RASEF: variants seen among roughly 807,000 people sequenced by gnomAD.
RASEF encodes the protein ras and EF-hand domain-containing protein.
A neutral mutation model predicts 90.1 loss-of-function variants in RASEF; 68 were observed. The observed-to-expected ratio is 0.75, with a 90% CI of 0.62 to 0.92. The LOEUF (loss-of-function observed/expected upper bound fraction) is 0.92. Among genes scored for constraint, RASEF ranks in the 40% least tolerant of loss-of-function variants. The probability of loss-of-function intolerance (pLI) is 0.00; values close to 1 mark genes in which losing one functional copy is unlikely to be tolerated. For missense variants in RASEF, 949 were observed against 937.2 expected (o/e 1.01, Z -0.16); for synonymous variants, 331 against 345.2 (o/e 0.96, Z 0.46).
chr9:83,109,885 G>A, the RASEF span, among the ~76,000 whole-genome samples: 1 of 152,066 alleles, frequency 6.6e-6, no homozygotes, highest in Non-Finnish European at 1.5e-5. Context: ...ATTCATAAGA[G>A]GCTGAATCTC....
rs1829092877 is a variant in RASEF at position 83,004,480 on chromosome 9, T to G, written c.1202+18A>C. ...GTGATTCTGAACTTGAACAGAAAGT[T>G]AAGACGAGTTAACATACCTGTCATA... is the stretch of plus-strand genomic sequence containing the variant. On this transcript the variant is annotated intron_variant, in intron 9 of 16. Transcript: ENST00000376447. The G allele has an allele frequency of 6.8e-7, 1 of 1,480,446 alleles. No individual in the cohort carries two copies. Among genetic ancestry groups the G allele is most frequent in the Non-Finnish European group, 9.4e-7 (1 of 1,058,958 alleles). 91.7% of individuals were successfully genotyped at this position (1,480,446 alleles called of 1,614,324 possible). A position where few individuals can be genotyped will look rare whatever the true frequency, so the allele number is the denominator to read the frequency against.
At chr9:83,060,661 G>A (rs1390442669) in intron 1 of RASEF, among the ~76,000 whole-genome samples, 1 of 152,220 alleles carries the variant, frequency 6.6e-6, no homozygotes, top group East Asian at 1.9e-4. Context: ...GCTGTATGAG[G>A]AAGTGAAGTA....
chr9:83,108,691 C>T, the RASEF span, among the ~76,000 whole-genome samples: 2 of 152,176 alleles, frequency 1.3e-5, no homozygotes, highest in Non-Finnish European at 2.9e-5. Flanking sequence ...CAGTTTTTGT[C>T]ACTAATTACT....
the RASEF span, among the ~76,000 whole-genome samples, chr9:83,206,247 CA>C: frequency 1.0e-3 from 156 of 152,262 alleles, 4 homozygotes; most frequent in East Asian, 0.027. Context: ...TAAGATCTAG[CA>C]AAGTGTTTTA....
At chr9:83,021,008 T>C (rs1312268799) in intron 3 of RASEF, among the ~76,000 whole-genome samples, 1 of 152,178 alleles carries the variant, frequency 6.6e-6, no homozygotes, top group Non-Finnish European at 1.5e-5. Context: ...CAGCTTCTTA[T>C]TAAACTTTTT....
chr9:83,099,447 T>C, the RASEF span, among the ~76,000 whole-genome samples: 244 of 152,306 alleles, frequency 1.6e-3, 2 homozygotes, highest in African/African-American at 5.7e-3. Context: ...TAAGTTATTT[T>C]CTCATATACT....
At chr9:82,998,227 T>A in intron 13 of RASEF, 138 bp downstream of exon 13, 1 of 541,130 alleles carries the variant, frequency 1.8e-6, no homozygotes. Flanking sequence ...ATACATTTTA[T>A]AATTATACAT....
chr9:83,165,636 C>T, the RASEF span, among the ~76,000 whole-genome samples: 863 of 151,978 alleles, frequency 5.7e-3, 8 homozygotes, highest in African/African-American at 0.02. Context: ...GGAAAACACA[C>T]GAAATCATAA....
chr9:83,107,911 A>G, the RASEF span, among the ~76,000 whole-genome samples: 1 of 152,228 alleles, frequency 6.6e-6, no homozygotes, highest in African/African-American at 2.4e-5. Flanking sequence ...TGTTTTAAAA[A>G]TCTATCTGTT....
chr9:82,991,961 A>G (rs1828823908), intron 15 of RASEF, among the ~76,000 whole-genome samples: 1 of 152,260 alleles, frequency 6.6e-6, no homozygotes, highest in African/African-American at 2.4e-5. Context: ...TTGGCCCAGC[A>G]CACAATGAAG....
At chr9:83,059,667 AC>A (rs1047749757) in intron 1 of RASEF, among the ~76,000 whole-genome samples, 1 of 151,984 alleles carries the variant, frequency 6.6e-6, no homozygotes, top group Non-Finnish European at 1.5e-5. Context: ...GCCTGGTAGC[AC>A]CTGTCCTCCC....
chr9:83,144,391 G>GAAAGAAAGAAAGAAAAGAAAGAAA, the RASEF span, among the ~76,000 whole-genome samples: 1 of 33,220 alleles, frequency 3.0e-5, no homozygotes, highest in African/African-American at 1.0e-4. Context: ...AAGAAAGAAA[G>GAAAGAAAGAAAGAAAAGAAAGAAA]GAAAGAAAGA....
the RASEF span, among the ~76,000 whole-genome samples, chr9:83,210,295 C>T: frequency 6.6e-6 from 1 of 152,274 alleles, no homozygotes; most frequent in South Asian, 2.1e-4. Context: ...TCAACTAGAG[C>T]AATTCTAGTA....
In RASEF at chr9:83,000,206, G is replaced by A. The variant is rs200343613; in HGVS notation, c.1686C>T (p.Cys562=). 849 of 1,613,852 alleles carry A rather than the reference G, an allele frequency of 5.3e-4. 1 individual carries two copies. The highest frequency in any genetic ancestry group is 6.9e-4 in the Non-Finnish European group (810 of 1,179,946). ...TTATATTTTCTCGAAATTCATTCTT[G>A]CAAAGTCTCATGAGGAAACTAGACT... ...VGKSSFLMRL[C]KNEFRENISA... Residue 562 remains cysteine, a synonymous_variant, in exon 12 of 17, where the codon TGC becomes TGT. Transcript: ENST00000376447.
chr9:83,140,715 A>G, the RASEF span, among the ~76,000 whole-genome samples: 1 of 152,232 alleles, frequency 6.6e-6, no homozygotes, highest in African/African-American at 2.4e-5. Context: ...AAAGATGCAG[A>G]GAAAAATTAT....
At chr9:83,079,797 A>C in the RASEF span, among the ~76,000 whole-genome samples, 1 of 152,052 alleles carries the variant, frequency 6.6e-6, no homozygotes, top group Non-Finnish European at 1.5e-5. Context: ...AATTGTTTAA[A>C]ATAAGTGTAT....
chr9:83,140,052 G>A, the RASEF span, among the ~76,000 whole-genome samples: 1 of 152,082 alleles, frequency 6.6e-6, no homozygotes, highest in East Asian at 1.9e-4. Context: ...TGTCTTCAGT[G>A]AGCTCATATA....
At chr9:83,118,379 G>A in the RASEF span, among the ~76,000 whole-genome samples, 1 of 152,146 alleles carries the variant, frequency 6.6e-6, no homozygotes, top group African/African-American at 2.4e-5. Flanking sequence ...AATTAAAGAG[G>A]GATTTTGTTT....
At chr9:83,150,202 G>A in the RASEF span, among the ~76,000 whole-genome samples, 1 of 152,156 alleles carries the variant, frequency 6.6e-6, no homozygotes, top group Non-Finnish European at 1.5e-5. Context: ...AAGAGGGAGT[G>A]TGGAGCTGCC....
Sources: allele counts gnomAD v4.1 joint callset (sites outside exome capture counted in the v4.1 genomes callset), GRCh38; gene constraint gnomAD v4.1.1; transcripts MANE v1.5; gene names NCBI Gene and HGNC (gene_info 2026-07-23, HGNC 2026-07-21).